The following ABCC5 variants were observed in gnomAD, a reference collection of about 807,000 sequenced individuals.
ABCC5 encodes the protein ATP binding cassette subfamily C member 5, also known as ATP-binding cassette sub-family C member 5.
In ABCC5, 61 loss-of-function variants were observed where a neutral mutation model predicts 160.9. The ratio of observed to expected loss-of-function variants is 0.38; its 90% CI spans 0.31 to 0.47. The LOEUF is 0.47. Ranked by LOEUF, ABCC5 falls within the 20% of genes least tolerant of loss-of-function variation. ABCC5 has a pLI of 0.99. For synonymous variants in ABCC5, 666 were observed against 700.6 expected (o/e 0.95, Z 0.78); for missense variants, 1,308 against 1,813.3 (o/e 0.72, Z 5.06).
At chr3:184,008,856 T>C (rs34571027) in intron 2 of ABCC5, among the ~76,000 whole-genome samples, 88,632 of 151,884 alleles carry the variant, frequency 0.58, 26,155 homozygotes, top group East Asian at 0.85. Context: ...TTTTCTTTCT[T>C]TCTTTATTTT....
intron 5 of ABCC5, chr3:183,986,358 T>C (rs896353014): frequency 3.3e-5 from 5 of 152,190 alleles, no homozygotes; most frequent in Non-Finnish European, 7.3e-5. Flanking sequence ...ATGCTGCTGC[T>C]TTCCTGTTAA....
At position 183,987,365 on chromosome 3, in the gene ABCC5, A is replaced by G; in HGVS notation, c.591+405T>C. Reference sequence around the variant, plus strand: ...TTGCCACAGACCTGCCAAACATGTGATAACTGCCTCCAGGCACTTGGTATG... The same window carrying G: ...TTGCCACAGACCTGCCAAACATGTGGTAACTGCCTCCAGGCACTTGGTATG... On this transcript the variant is annotated intron_variant, in intron 5 of 29. Transcript: ENST00000334444. This position sits in a 1 kb window ranked among gnomAD's most constrained non-coding sequence, Gnocchi z 4.2. 1 of 411,766 alleles carries G rather than the reference A, an allele frequency of 2.4e-6. No homozygotes were observed. 25.5% of individuals were successfully genotyped at this position (411,766 alleles called of 1,614,324 possible). A position where few individuals can be genotyped will look rare whatever the true frequency, so the allele number is the denominator to read the frequency against.
chr3:184,015,626 A>AT (rs1383038064), intron 1 of ABCC5, among the ~76,000 whole-genome samples: 5 of 151,914 alleles, frequency 3.3e-5, no homozygotes, highest in Non-Finnish European at 5.9e-5. Context: ...AGAAAGCTTG[A>AT]TTTCTTGCCT....
In ABCC5 at chr3:183,967,679, A is replaced by C. The variant is rs772310365; in HGVS notation, c.1833+16T>G. On this transcript the variant is annotated intron_variant, in intron 12 of 29. Transcript: ENST00000334444. Reference sequence around the variant, plus strand: ...CCAGAGAAAGCAGCAGAAAAGGACAATAACAAAAATCTTACCTGGCCTAAA... The same window carrying C: ...CCAGAGAAAGCAGCAGAAAAGGACACTAACAAAAATCTTACCTGGCCTAAA... The C allele has an allele frequency of 1.1e-5, 18 of 1,606,674 alleles. No homozygotes were observed. The highest frequency in any genetic ancestry group is 1.6e-4 in the Middle Eastern group (1 of 6,078).
At chr3:183,923,879 G>A (rs77093210) in intron 29 of ABCC5, among the ~76,000 whole-genome samples, 10,232 of 152,106 alleles carry the variant, frequency 0.067, 415 homozygotes, top group East Asian at 0.17. Context: ...GGCTGAACCT[G>A]CGCTATTTAA....
chr3:183,952,089 G>A (rs186092708), intron 18 of ABCC5, 86 bp from the exon 19 acceptor site: 195 of 1,481,130 alleles, frequency 1.3e-4, no homozygotes, highest in Non-Finnish European at 1.2e-5. Context: ...TCAAGGGCAG[G>A]GCAGGGTACA....
chr3:184,010,183 C>T (rs1259273579), intron 2 of ABCC5, among the ~76,000 whole-genome samples: 1 of 143,394 alleles, frequency 7.0e-6, no homozygotes, highest in East Asian at 2.2e-4. Context: ...AGGAGAATTG[C>T]TTGAGCCCGG....
intron 23 of ABCC5, among the ~76,000 whole-genome samples, chr3:183,947,121 G>A (rs902061611): frequency 1.3e-5 from 2 of 152,120 alleles, no homozygotes; most frequent in African/African-American, 4.8e-5. Flanking sequence ...CTTTATTCCT[G>A]GATTCCACAC....
intron 12 of ABCC5, among the ~76,000 whole-genome samples, chr3:183,966,392 C>G (rs1056474900): frequency 6.6e-6 from 1 of 152,168 alleles, no homozygotes; most frequent in African/African-American, 2.4e-5. Context: ...CACATTGCAG[C>G]GCTATCAACA....
At chr3:183,997,116 A>G (rs1720348098) in intron 2 of ABCC5, among the ~76,000 whole-genome samples, 1 of 152,178 alleles carries the variant, frequency 6.6e-6, no homozygotes, top group Admixed American at 6.5e-5. Context: ...AAATAAATAA[A>G]TAAAAAATAA....
intron 8 of ABCC5, among the ~76,000 whole-genome samples, chr3:183,979,752 T>C (rs947842808): frequency 1.3e-5 from 2 of 152,104 alleles, no homozygotes; most frequent in African/African-American, 2.4e-5. Context: ...AGTTATGTTT[T>C]ATTTTTTGTA....
At chr3:183,934,385 C>T (rs908162385) in intron 26 of ABCC5, among the ~76,000 whole-genome samples, 2 of 152,170 alleles carry the variant, frequency 1.3e-5, no homozygotes, top group African/African-American at 4.8e-5. Context: ...AAAGACAAGT[C>T]CAGCATTTAA....
rs1211935141 is a variant in ABCC5 at position 183,965,360 on chromosome 3, A to C, written c.1958+17T>G. The C allele has an allele frequency of 6.2e-7, 1 of 1,614,118 alleles. No individual in the cohort carries two copies. The highest frequency in any genetic ancestry group is 8.5e-7 in the Non-Finnish European group (1 of 1,180,052). On this transcript the variant is annotated intron_variant, in intron 13 of 29. Coordinates refer to ENST00000334444, the MANE Select transcript of ABCC5 (RefSeq NM_005688.4). ...CGGCCAAGATGGAAAGCATGACAGAAGCCAAACATTCCTTGCCTTTCTTCA... is the reference window on the plus strand; with the variant it reads ...CGGCCAAGATGGAAAGCATGACAGACGCCAAACATTCCTTGCCTTTCTTCA...
chr3:183,999,012 C>A (rs1720521794), intron 2 of ABCC5, among the ~76,000 whole-genome samples: 2 of 151,700 alleles, frequency 1.3e-5, no homozygotes, highest in Admixed American at 1.3e-4. Context: ...ATTGCTTGAA[C>A]CTGGGAGGTG....
At chr3:183,968,980 G>C in intron 11 of ABCC5, among the ~76,000 whole-genome samples, 1 of 152,192 alleles carries the variant, frequency 6.6e-6, no homozygotes, top group East Asian at 1.9e-4. Flanking sequence ...CATGGTCCAC[G>C]AGTACTGAAT....
In ABCC5 at chr3:183,963,567, G is replaced by A. The variant is rs1403018266; in HGVS notation, c.2053C>T (p.Leu685=). 2 of 1,613,902 alleles carry A rather than the reference G, an allele frequency of 1.2e-6. No homozygotes were observed. Among genetic ancestry groups the A allele is most frequent in the Non-Finnish European group, 8.5e-7 (1 of 1,180,064 alleles). Residue 685 remains leucine (L), a synonymous_variant, in exon 15 of 30, where the codon CTG becomes TTG. Transcript: ENST00000334444. This position sits in a 1 kb window ranked among gnomAD's most constrained non-coding sequence, Gnocchi z 4.6. The part of the protein sequence containing the change: ...LTEIGERGAN[L]SGGQRQRISL... ...ATCCTCTGGCGCTGCCCACCGCTCA[G>A]GTTGGCTCCTCGCTCTCCAATCTAC...
chr3:183,935,470 G>A lies in ABCC5; in HGVS notation c.3854+2431C>T, dbSNP rs150318854. 6.9e-3 allele frequency among the ~76,000 whole-genome samples: 1,032 copies of A among 148,730 alleles called. 11 individuals are homozygous for A. Among genetic ancestry groups the A allele is most frequent in the African/African-American group, 0.024 (956 of 40,028 alleles). On this transcript the variant is annotated intron_variant, in intron 26 of 29. Transcript: ENST00000334444. ...GCTGGGATTACAGGTGTGAGCCACC[G>A]CACTCGGCCTATTTTTAGGCTTTCA...
Position 183,921,402 on chromosome 3 carries a change from C to A in ABCC5, c.4213-1G>T. 6.2e-7 allele frequency: 1 copy of A among 1,612,104 alleles called. No individual in the cohort carries two copies. The highest frequency in any genetic ancestry group is 8.5e-7 in the Non-Finnish European group (1 of 1,179,194). ...CCGATGGGGTGTCAAACTCCACCAC[C>A]TGCAAAAGAAGGAGACGCCGTCAGG... On this transcript the variant is annotated splice_acceptor_variant, in intron 29 of 29. Transcript: ENST00000334444. LOFTEE classifies it high-confidence loss of function. This position sits in a 1 kb window ranked among gnomAD's most constrained non-coding sequence, Gnocchi z 4.1.
intron 2 of ABCC5, among the ~76,000 whole-genome samples, chr3:184,008,276 TA>T (rs1401097252): frequency 2.6e-5 from 4 of 151,632 alleles, no homozygotes; most frequent in East Asian, 1.9e-4. Flanking sequence ...GACTGCATCT[TA>T]AAAAAAAATC....
Sources: gnomAD v4.1 joint callset for allele counts (sites outside exome capture counted in the v4.1 genomes callset) on GRCh38, gnomAD v4.1.1 for gene constraint, Gnocchi (gnomAD v3.1) non-coding constraint, MANE v1.5 for transcripts, NCBI Gene and HGNC (gene_info 2026-07-23, HGNC 2026-07-21) for gene names.